Variants in CDH13 observed in about 807,000 individuals in gnomAD.
CDH13 encodes cadherin-13.
A neutral mutation model predicts 63.8 loss-of-function variants in CDH13; 24 were observed. The ratio of observed to expected loss-of-function variants is 0.38; its 90% CI spans 0.27 to 0.53. The LOEUF (loss-of-function observed/expected upper bound fraction) is 0.53. CDH13 is among the 20% of genes least tolerant of loss of function. The pLI is 0.85. For synonymous variants in CDH13, 503 were observed against 355.3 expected (o/e 1.42, Z -4.67); for missense variants, 1,049 against 903.1 (o/e 1.16, Z -2.07).
chr16:82,799,339 C>A (rs2036740706), intron 1 of CDH13, among the ~76,000 whole-genome samples: 1 of 152,106 alleles, frequency 6.6e-6, no homozygotes, highest in Non-Finnish European at 1.5e-5. Context: ...AGCTTGGCAC[C>A]CAATCCCCAC....
rs970892950 is a variant in CDH13, at chr16:82,938,734, T to A, written c.157+80261T>A. On this transcript the variant is annotated intron_variant, in intron 2 of 13. Transcript: ENST00000567109. ...CAAGACAAGGAAAAAGAAAGGAGAG[T>A]CAACGTAGGGTGCAGTATTAAGCTA... Among the ~76,000 whole-genome samples, 3 of 151,784 alleles carry A rather than the reference T, an allele frequency of 2.0e-5. No homozygotes were observed. The East Asian group carries it at 5.8e-4, about 29-fold the overall frequency.
intron 6 of CDH13, among the ~76,000 whole-genome samples, chr16:83,374,640 C>T (rs551105322): frequency 7.2e-5 from 11 of 152,142 alleles, no homozygotes; most frequent in Admixed American, 2.6e-4. Context: ...TGTTTCGAGG[C>T]GGAAGAAGCT....
chr16:83,244,593 A>G (rs1451707178), intron 5 of CDH13, among the ~76,000 whole-genome samples: 1 of 152,124 alleles, frequency 6.6e-6, no homozygotes, highest in African/African-American at 2.4e-5. Context: ...ATTGGTCCCC[A>G]ACACCACCCT....
chr16:82,912,773 C>G (rs146527951), intron 2 of CDH13, among the ~76,000 whole-genome samples: 2,589 of 152,134 alleles, frequency 0.017, 67 homozygotes, highest in African/African-American at 0.058. Flanking sequence ...GAAACCCCGT[C>G]TCTACTAAAA....
intron 8 of CDH13, among the ~76,000 whole-genome samples, chr16:83,662,347 A>G (rs564849647): frequency 4.6e-5 from 7 of 152,340 alleles, no homozygotes; most frequent in African/African-American, 1.7e-4. Flanking sequence ...TGGAGATAAC[A>G]TGCAAATCCT....
chr16:83,158,088 C>T (rs1377469701), intron 4 of CDH13, among the ~76,000 whole-genome samples: 2 of 152,032 alleles, frequency 1.3e-5, no homozygotes, highest in Non-Finnish European at 2.9e-5. Flanking sequence ...AAAGTGGGTT[C>T]CCTGTCTCAG....
chr16:82,762,230 A>C (rs2034882163), intron 1 of CDH13, among the ~76,000 whole-genome samples: 1 of 152,186 alleles, frequency 6.6e-6, no homozygotes, highest in South Asian at 2.1e-4. Context: ...ATGATTACTA[A>C]GATTCTCTTT....
chr16:83,767,016 C>T (rs571552609), intron 11 of CDH13, among the ~76,000 whole-genome samples: 6 of 152,214 alleles, frequency 3.9e-5, no homozygotes, highest in Non-Finnish European at 7.4e-5. Context: ...CAATTAAACC[C>T]CTTTCCCTTA....
chr16:82,835,535 C>A (rs561227245), intron 1 of CDH13, among the ~76,000 whole-genome samples: 1 of 152,194 alleles, frequency 6.6e-6, no homozygotes, highest in East Asian at 1.9e-4. Flanking sequence ...TGATAAAATG[C>A]TCCTCTTTCT....
intron 5 of CDH13, among the ~76,000 whole-genome samples, chr16:83,268,947 A>T (rs913314111): frequency 6.8e-5 from 8 of 117,168 alleles, no homozygotes; most frequent in African/African-American, 2.5e-4. Context: ...GAGCAGAGAG[A>T]TGGGAGGCTT....
At chr16:83,132,378 C>A (rs2036090446) in intron 4 of CDH13, among the ~76,000 whole-genome samples, 1 of 151,710 alleles carries the variant, frequency 6.6e-6, no homozygotes, top group Non-Finnish European at 1.5e-5. Flanking sequence ...TTATCTATGT[C>A]TAACTATATA....
chr16:83,486,626 G>C lies in CDH13; in HGVS notation c.931G>C (p.Val311Leu). 1.2e-6 allele frequency: 2 copies of C among 1,613,934 alleles called. No homozygotes were observed. The highest frequency in any genetic ancestry group is 1.7e-6 in the Non-Finnish European group (2 of 1,179,824). Residue 311 changes from valine to leucine, a missense_variant, in exon 7 of 14, where the codon GTT (valine) becomes CTT (leucine). Transcript: ENST00000567109. ...TCCTGAGAAAGGAGACATTGTCACT[G>C]TTGTGTCACCTGCGCTGCTGGACCG... ...IDPEKGDIVT[V>L]VSPALLDRET... is the part of the protein sequence containing the mutation.
intron 5 of CDH13, among the ~76,000 whole-genome samples, chr16:83,287,052 G>A (rs916662466): frequency 2.6e-5 from 4 of 151,976 alleles, no homozygotes; most frequent in African/African-American, 4.8e-5. Context: ...CTTCATGAGC[G>A]CATGCTGAAG....
chr16:82,845,729 C>A (rs1035886798), intron 1 of CDH13, among the ~76,000 whole-genome samples: 1 of 152,154 alleles, frequency 6.6e-6, no homozygotes, highest in Non-Finnish European at 1.5e-5. Flanking sequence ...TTAAGGGAAA[C>A]AGGTATTATA....
chr16:83,324,378 C>T (rs1020206768), intron 5 of CDH13, among the ~76,000 whole-genome samples: 1 of 152,154 alleles, frequency 6.6e-6, no homozygotes, highest in Non-Finnish European at 1.5e-5. Flanking sequence ...CAAAAGAAAC[C>T]CCATCACTCT....
chr16:82,961,572 T>TTAAA (rs774564311), intron 2 of CDH13, among the ~76,000 whole-genome samples: 1 of 103,406 alleles, frequency 9.7e-6, no homozygotes, highest in African/African-American at 4.0e-5. Context: ...GCAGGGGACT[T>TTAAA]AAAAAAAAAA....
chr16:83,561,267 A>G (rs1218753616), intron 7 of CDH13, among the ~76,000 whole-genome samples: 1 of 150,966 alleles, frequency 6.6e-6, no homozygotes, highest in Non-Finnish European at 1.5e-5. Flanking sequence ...ACCAACATGG[A>G]GAAATCCCAT....
intron 1 of CDH13, among the ~76,000 whole-genome samples, chr16:82,822,228 G>A (rs927900169): frequency 1.3e-5 from 2 of 152,120 alleles, no homozygotes; most frequent in African/African-American, 4.8e-5. Context: ...GCTTCCAAAT[G>A]TCTATCAAAA....
At chr16:83,120,945 G>A (rs1018413922) in intron 3 of CDH13, among the ~76,000 whole-genome samples, 1 of 151,738 alleles carries the variant, frequency 6.6e-6, no homozygotes, top group African/African-American at 2.4e-5. Flanking sequence ...TGTATTTTTG[G>A]TAGAGACGGG....
Sources: allele counts gnomAD v4.1 joint callset (sites outside exome capture counted in the v4.1 genomes callset), GRCh38; gene constraint gnomAD v4.1.1; transcripts MANE v1.5; gene names NCBI Gene and HGNC (gene_info 2026-07-23, HGNC 2026-07-21).